The following OSBPL10 variants were observed in gnomAD, a reference collection of about 807,000 sequenced individuals.
The protein encoded by OSBPL10 is oxysterol binding protein like 10.
OSBPL10 carries 49 observed loss-of-function variants against 81.7 expected under a neutral mutation model. The ratio of observed to expected loss-of-function variants is 0.60; its 90% CI spans 0.48 to 0.76. The LOEUF (loss-of-function observed/expected upper bound fraction) is 0.76, where lower values mean the gene tolerates loss of function less well. Among genes scored for constraint, OSBPL10 ranks in the 30% least tolerant of loss-of-function variants. OSBPL10 has a pLI of 0.00. For synonymous variants in OSBPL10, 419 were observed against 383.6 expected, an observed-to-expected ratio of 1.09 and a Z score of -1.08; for missense variants, 923 against 987.8, an observed-to-expected ratio of 0.93 and a Z score of 0.88.
intron 7 of OSBPL10, among the ~76,000 whole-genome samples, chr3:31,688,597 T>A (rs1051774814): frequency 6.6e-6 from 1 of 152,152 alleles, no homozygotes; most frequent in Non-Finnish European, 1.5e-5. Flanking sequence ...ATGAACTGCA[T>A]GAGAGACACC....
chr3:32,016,070 A>G (rs1320317119), intron 2 of OSBPL10, among the ~76,000 whole-genome samples: 1 of 152,210 alleles, frequency 6.6e-6, no homozygotes, highest in East Asian at 1.9e-4. Context: ...TAGAAATACC[A>G]TTTGACCCAG....
intron 4 of OSBPL10, among the ~76,000 whole-genome samples, chr3:31,794,269 C>T (rs1191415155): frequency 2.0e-5 from 3 of 152,156 alleles, no homozygotes; most frequent in East Asian, 1.9e-4. Flanking sequence ...CTCAGCTTCC[C>T]GAGCAGCTGG....
intron 1 of OSBPL10, among the ~76,000 whole-genome samples, chr3:31,901,161 T>A (rs1696226712): frequency 6.6e-6 from 1 of 152,260 alleles, no homozygotes; most frequent in African/African-American, 2.4e-5. Flanking sequence ...AAACTTTTCT[T>A]GCTGATCTCC....
chr3:32,062,365 A>C (rs1014198035), intron 1 of OSBPL10, among the ~76,000 whole-genome samples: 1 of 94,104 alleles, frequency 1.1e-5, no homozygotes, highest in African/African-American at 2.7e-5. Flanking sequence ...TTGGCCTCCC[A>C]AAGTGCTGGG....
intron 1 of OSBPL10, among the ~76,000 whole-genome samples, chr3:31,916,423 A>C (rs1051880030): frequency 1.1e-4 from 16 of 152,300 alleles, no homozygotes; most frequent in African/African-American, 3.6e-4. Context: ...GCCTCTAAAA[A>C]CAGAGGAGTC....
chr3:31,708,533 C>T (rs892673564), intron 6 of OSBPL10, among the ~76,000 whole-genome samples: 15 of 152,236 alleles, frequency 9.9e-5, no homozygotes, highest in Non-Finnish European at 8.8e-5. Flanking sequence ...TAAAGACGGC[C>T]AGCAATCCAG....
Position 31,736,151 on chromosome 3 carries a change from T to C in OSBPL10, c.941-2740A>G, listed in dbSNP as rs1048627427. Among the ~76,000 whole-genome samples, 6 of 152,042 alleles carry C rather than the reference T, an allele frequency of 3.9e-5. No individual in the cohort carries two copies. In the South Asian group the frequency reaches 1.0e-3, roughly 26 times the overall value. On this transcript the variant is annotated intron_variant, in intron 5 of 11. Transcript: ENST00000396556. ...GAATGGGGAGTTAACGTTTAAAAGG[T>C]AAAGAGCTCCAGTTTTGCAAGATGG...
At chr3:31,773,324 T>C (rs1367964992) in intron 4 of OSBPL10, among the ~76,000 whole-genome samples, 3 of 152,124 alleles carry the variant, frequency 2.0e-5, no homozygotes, top group Non-Finnish European at 4.4e-5. Flanking sequence ...ATCACAACCT[T>C]CCTGCACTCG....
chr3:31,884,248 G>GA (rs1178798435), intron 1 of OSBPL10, among the ~76,000 whole-genome samples: 3 of 151,646 alleles, frequency 2.0e-5, no homozygotes, highest in Non-Finnish European at 1.5e-5. Context: ...TGCCTCAGAT[G>GA]AAAAAAAAGA....
chr3:31,980,943 G>A lies in OSBPL10; in HGVS notation c.237C>T (p.Gly79=), dbSNP rs773775127. 12 of 1,578,524 alleles carry A rather than the reference G, an allele frequency of 7.6e-6. No individual in the cohort carries two copies. The highest frequency in any genetic ancestry group is 1.9e-4 in the Middle Eastern group (1 of 5,200). ...GGRRREPALE[G]VLSKYTNLLQ... is the part of the protein sequence containing the mutation. The stretch of plus-strand genomic sequence containing the variant: ...GGAGGTTGGTGTATTTGCTGAGCAC[G>A]CCCTCGAGCGCCGGCTCCCTCCTGC... The change falls in exon 1 of 12, where the codon GGC becomes GGT. Residue 79 remains glycine (G), a synonymous_variant. Transcript: ENST00000396556.
chr3:32,024,609 C>G (rs1048643589), intron 2 of OSBPL10, among the ~76,000 whole-genome samples: 3 of 151,646 alleles, frequency 2.0e-5, no homozygotes, highest in African/African-American at 4.8e-5. Context: ...CTCAGCCCCC[C>G]CAGTAGCTGG....
At chr3:31,813,918 C>A (rs188514030) in intron 4 of OSBPL10, among the ~76,000 whole-genome samples, 1 of 152,316 alleles carries the variant, frequency 6.6e-6, no homozygotes, top group East Asian at 1.9e-4. Flanking sequence ...CTCTGCTGTC[C>A]ACGTGAAGAA....
chr3:31,731,259 C>T (rs892189155), intron 6 of OSBPL10, among the ~76,000 whole-genome samples: 9 of 152,128 alleles, frequency 5.9e-5, no homozygotes, highest in Admixed American at 2.0e-4. Flanking sequence ...TTCTAACTCT[C>T]CCTTCTCAGA....
chr3:32,070,229 C>T (rs572541811), intron 1 of OSBPL10, among the ~76,000 whole-genome samples: 11 of 152,140 alleles, frequency 7.2e-5, no homozygotes, highest in African/African-American at 1.7e-4. Flanking sequence ...GTTTTCCTTG[C>T]CCCCATAACT....
At chr3:31,949,875 C>G (rs1697820581) in intron 1 of OSBPL10, among the ~76,000 whole-genome samples, 1 of 151,994 alleles carries the variant, frequency 6.6e-6, no homozygotes, top group African/African-American at 2.4e-5. Context: ...ACCTGAGGTC[C>G]CACCTATGGA....
intron 1 of OSBPL10, among the ~76,000 whole-genome samples, chr3:31,933,511 CCTT>C (rs1210097073): frequency 6.6e-6 from 1 of 151,862 alleles, no homozygotes; most frequent in Non-Finnish European, 1.5e-5. Flanking sequence ...CTCAAGCAAT[CCTT>C]CTACCTCACC....
chr3:31,709,268 C>T (rs1006335918), intron 6 of OSBPL10: 1 of 153,254 alleles, frequency 6.5e-6, no homozygotes, highest in African/African-American at 2.4e-5. Flanking sequence ...CACACATACA[C>T]ACACATTTAC....
chr3:31,790,376 T>C (rs76417504), intron 4 of OSBPL10, among the ~76,000 whole-genome samples: 2,789 of 152,302 alleles, frequency 0.018, 76 homozygotes, highest in African/African-American at 0.063. Context: ...AGACCATTTG[T>C]GTGTGGCAGA....
chr3:32,009,334 G>A (rs987463505), intron 2 of OSBPL10, among the ~76,000 whole-genome samples: 1 of 152,218 alleles, frequency 6.6e-6, no homozygotes, highest in African/African-American at 2.4e-5. Flanking sequence ...TTCAAAGTGA[G>A]CAAACACATG....
Sources: gnomAD v4.1 joint callset for allele counts (sites outside exome capture counted in the v4.1 genomes callset) on GRCh38, gnomAD v4.1.1 for gene constraint, MANE v1.5 for transcripts, NCBI Gene and HGNC (gene_info 2026-07-23, HGNC 2026-07-21) for gene names.